The following DLGAP2 variants were observed in gnomAD, a reference collection of about 807,000 sequenced individuals.
The protein encoded by DLGAP2 is DLG associated protein 2, also known as disks large-associated protein 2.
Under a neutral mutation model 100.3 loss-of-function variants are expected in DLGAP2, and 26 were observed. The ratio of observed to expected loss-of-function variants is 0.26; its 90% CI spans 0.19 to 0.36. DLGAP2 has a LOEUF of 0.36. Among genes scored for constraint, DLGAP2 ranks in the 10% least tolerant of loss-of-function variants. The pLI, the probability that DLGAP2 is intolerant of heterozygous loss-of-function variation, is 1.00. For synonymous variants in DLGAP2, 886 were observed against 630.1 expected (o/e 1.41, Z -6.08); for missense variants, 1,858 against 1,453.2 (o/e 1.28, Z -4.53).
In DLGAP2 at chr8:1,541,906, C is replaced by T. The variant is rs577720556; in HGVS notation, c.173-6720C>T. 5.9e-5 allele frequency among the ~76,000 whole-genome samples: 9 copies of T among 152,256 alleles called. No individual in the cohort carries two copies. In the South Asian group the frequency reaches 1.2e-3, roughly 21 times the overall value. On this transcript the variant is annotated intron_variant, in intron 4 of 14. Transcript: ENST00000637795. ...TCTACTGACTCCACAATCATGGTCA[C>T]GGAACGTTAAGTGAGAATGAAGGCA... is the stretch of plus-strand genomic sequence containing the variant.
chr8:1,138,808 ACT>A lies in DLGAP2; in HGVS notation c.74-120040_74-120039del, dbSNP rs1479383687. Among the ~76,000 whole-genome samples, 11 of 145,222 alleles carry A rather than the reference ACT, an allele frequency of 7.6e-5. No individual in the cohort carries two copies. In the East Asian group the frequency reaches 1.8e-3, roughly 24 times the overall value. On this transcript the variant is annotated intron_variant, in intron 2 of 14. Transcript: ENST00000637795. ...TCCTGACCTGTGCAGCTGGTGGGAA[ACT>A]CTTCCTGTTTATTTACTAGTCCTGG...
intron 1 of DLGAP2, among the ~76,000 whole-genome samples, chr8:830,208 A>T (rs1013499131): frequency 6.6e-6 from 1 of 152,224 alleles, no homozygotes; most frequent in Non-Finnish European, 1.5e-5. Context: ...TATGACGTAC[A>T]TGAGACATTT....
intron 1 of DLGAP2, among the ~76,000 whole-genome samples, chr8:857,895 A>G (rs540173368): frequency 1.1e-4 from 17 of 150,598 alleles, no homozygotes; most frequent in South Asian, 1.1e-3. Context: ...TTTGAGACGG[A>G]GCCTCGCTCT....
chr8:1,619,876 C>A (rs550379664), intron 6 of DLGAP2: 129 of 152,320 alleles, frequency 8.5e-4, no homozygotes, highest in African/African-American at 2.9e-3. Flanking sequence ...GCCTTCTGCG[C>A]ACCATGTTAC....
intron 2 of DLGAP2, among the ~76,000 whole-genome samples, chr8:1,149,369 G>A (rs904502539): frequency 8.6e-5 from 13 of 151,968 alleles, no homozygotes; most frequent in African/African-American, 2.9e-4. Flanking sequence ...GGATGGTCTC[G>A]ATCTCCGGAC....
chr8:1,618,897 T>G (rs1246097371), intron 6 of DLGAP2, among the ~76,000 whole-genome samples: 1 of 152,138 alleles, frequency 6.6e-6, no homozygotes, highest in Admixed American at 6.5e-5. Context: ...CTCCTCTAAA[T>G]TGTGGCAAAC....
intron 2 of DLGAP2, among the ~76,000 whole-genome samples, chr8:995,182 A>G (rs925281772): frequency 2.0e-5 from 3 of 152,216 alleles, no homozygotes; most frequent in African/African-American, 4.8e-5. Flanking sequence ...ATTATACTGT[A>G]TAAAGCAGTA....
intron 2 of DLGAP2, among the ~76,000 whole-genome samples, chr8:930,308 A>T (rs1798926362): frequency 6.6e-6 from 1 of 152,196 alleles, no homozygotes; most frequent in African/African-American, 2.4e-5. Context: ...TCTGCCGGCC[A>T]CCAGCGTTTA....
chr8:1,005,231 G>A (rs1488263319), intron 2 of DLGAP2, among the ~76,000 whole-genome samples: 1 of 152,086 alleles, frequency 6.6e-6, no homozygotes, highest in African/African-American at 2.4e-5. Flanking sequence ...CATTTGCTTG[G>A]CCTTGAGGGA....
intron 3 of DLGAP2, among the ~76,000 whole-genome samples, chr8:1,449,367 G>A (rs185288194): frequency 9.3e-4 from 141 of 152,340 alleles, no homozygotes; most frequent in Non-Finnish European, 7.9e-4. Flanking sequence ...CCAGGCAGCT[G>A]CAGGAATTCT....
intron 3 of DLGAP2, among the ~76,000 whole-genome samples, chr8:1,345,623 G>C (rs6558456): frequency 6.6e-6 from 1 of 152,022 alleles, no homozygotes; most frequent in South Asian, 2.1e-4. Flanking sequence ...GTGTTAACAC[G>C]TCTGATCAGT....
At chr8:898,602 T>G (rs929255157) in intron 1 of DLGAP2, among the ~76,000 whole-genome samples, 1 of 152,198 alleles carries the variant, frequency 6.6e-6, no homozygotes, top group African/African-American at 2.4e-5. Context: ...TTGAGGCGCC[T>G]GCCTTTTGGG....
intron 2 of DLGAP2, among the ~76,000 whole-genome samples, chr8:1,085,833 T>C (rs1803957536): frequency 6.6e-6 from 1 of 152,206 alleles, no homozygotes; most frequent in Non-Finnish European, 1.5e-5. Context: ...ATAGTGCTTG[T>C]ACTGAATCTG....
At chr8:1,487,485 A>C (rs1799260511) in intron 3 of DLGAP2, among the ~76,000 whole-genome samples, 1 of 152,210 alleles carries the variant, frequency 6.6e-6, no homozygotes, top group African/African-American at 2.4e-5. Flanking sequence ...TTCTACCTGT[A>C]ATTGATTGAG....
At chr8:1,613,661 A>G (rs1010304508) in intron 6 of DLGAP2, among the ~76,000 whole-genome samples, 1 of 152,230 alleles carries the variant, frequency 6.6e-6, no homozygotes, top group African/African-American at 2.4e-5. Flanking sequence ...AGTATTTGAT[A>G]GATGAGTAAC....
chr8:1,195,819 G>A (rs13272885), intron 2 of DLGAP2, among the ~76,000 whole-genome samples: 72,609 of 152,110 alleles, frequency 0.48, 17,481 homozygotes, highest in Admixed American at 0.51. Context: ...GACCTGCTCC[G>A]AGGCCTTGCA....
chr8:1,585,760 C>G (rs1327201533), intron 6 of DLGAP2, among the ~76,000 whole-genome samples: 1 of 152,196 alleles, frequency 6.6e-6, no homozygotes, highest in East Asian at 1.9e-4. Context: ...CATACACTCG[C>G]AGTCCATTCA....
intron 3 of DLGAP2, among the ~76,000 whole-genome samples, chr8:1,323,832 C>G (rs964273325): frequency 6.6e-6 from 1 of 152,182 alleles, no homozygotes; most frequent in African/African-American, 2.4e-5. Context: ...CCACCTGTTC[C>G]TGGAGCTGAG....
chr8:927,702 C>G (rs1341174483), intron 2 of DLGAP2, among the ~76,000 whole-genome samples: 3 of 151,982 alleles, frequency 2.0e-5, no homozygotes, highest in Non-Finnish European at 4.4e-5. Context: ...CAGGGAGGGA[C>G]AGAGGTCTTG....
Sources: gnomAD v4.1 joint callset for allele counts (sites outside exome capture counted in the v4.1 genomes callset) on GRCh38, gnomAD v4.1.1 for gene constraint, MANE v1.5 for transcripts, NCBI Gene and HGNC (gene_info 2026-07-23, HGNC 2026-07-21) for gene names.